Variants in IL12RB2 observed in about 807,000 individuals in gnomAD.
IL12RB2 encodes interleukin-12 receptor subunit beta-2.
IL12RB2 carries 82 observed loss-of-function variants against 89.4 expected under a neutral mutation model. That is an observed-to-expected ratio of 0.92 (90% CI 0.77 to 1.10). The LOEUF (loss-of-function observed/expected upper bound fraction) is 1.10. Among genes scored for constraint, IL12RB2 ranks in the 50% least tolerant of loss-of-function variants. IL12RB2 has a pLI of 0.00. For missense variants in IL12RB2, 963 were observed against 1,031.9 expected, an observed-to-expected ratio of 0.93 and a Z score of 0.92; for synonymous variants, 368 against 370.1, an observed-to-expected ratio of 0.99 and a Z score of 0.07.
At position 67,380,051 on chromosome 1, in the gene IL12RB2, G is replaced by A. The variant is rs768422843; in HGVS notation, c.1783G>A (p.Val595Ile). The A allele has an allele frequency of 1.9e-6, 3 of 1,613,636 alleles. No homozygotes were observed. Among genetic ancestry groups the A allele is most frequent in the South Asian group, 2.2e-5 (2 of 91,076 alleles). The part of the protein sequence containing the change: ...INSLQPRVTY[V>I]LWMTALTAAG... ...CAGCCTGCAGCCCCGAGTGACATAT[G>A]TCCTGTGGATGACAGCTCTGACAGC... Residue 595 changes from valine (V) to isoleucine (I), a missense_variant, in exon 14 of 17, where the codon GTC (valine) becomes ATC (isoleucine). Physicochemically the swap from Val to Ile is conservative, Grantham distance 29. Transcript: ENST00000674203.
intron 8 of IL12RB2, among the ~76,000 whole-genome samples, chr1:67,335,271 G>A (rs1467469243): frequency 6.6e-6 from 1 of 152,194 alleles, no homozygotes; most frequent in Non-Finnish European, 1.5e-5. Flanking sequence ...CTGGAGAGAT[G>A]TCTTTGATAA....
intron 1 of IL12RB2, among the ~76,000 whole-genome samples, chr1:67,308,616 C>T (rs771207812): frequency 5.6e-4 from 86 of 152,310 alleles, no homozygotes; most frequent in Non-Finnish European, 5.4e-4. Context: ...CCCTCCTCAT[C>T]TCCCTAGGAC....
chr1:67,390,576 C>T (rs1665706584), intron 16 of IL12RB2, among the ~76,000 whole-genome samples: 2 of 149,824 alleles, frequency 1.3e-5, no homozygotes, highest in Non-Finnish European at 3.0e-5. Context: ...TAAATAGAAC[C>T]CATACTATTT....
chr1:67,388,199 G>C (rs566991016), intron 15 of IL12RB2, among the ~76,000 whole-genome samples: 2 of 152,230 alleles, frequency 1.3e-5, no homozygotes, highest in Admixed American at 1.3e-4. Context: ...CTTTGAGGTA[G>C]AGCTGCAAGA....
intron 2 of IL12RB2, among the ~76,000 whole-genome samples, chr1:67,314,368 C>T (rs946780934): frequency 6.6e-6 from 1 of 152,126 alleles, no homozygotes; most frequent in African/African-American, 2.4e-5. Flanking sequence ...AGGAACCAGC[C>T]TCAGTGGGGT....
intron 10 of IL12RB2, among the ~76,000 whole-genome samples, chr1:67,358,728 ATTTCCCCTAG>A (rs1474741247): frequency 6.6e-6 from 1 of 152,188 alleles, no homozygotes; most frequent in Non-Finnish European, 1.5e-5. Context: ...GGGAAAGAAT[ATTTCCCCTAG>A]TAAAAGTAAA....
chr1:67,322,195 A>G (rs1400878618), intron 4 of IL12RB2, among the ~76,000 whole-genome samples: 1 of 152,084 alleles, frequency 6.6e-6, no homozygotes, highest in Non-Finnish European at 1.5e-5. Context: ...ACTTAGGAGA[A>G]TATGTTTAAA....
chr1:67,369,889 G>A (rs925507343), intron 11 of IL12RB2, among the ~76,000 whole-genome samples: 3 of 152,110 alleles, frequency 2.0e-5, no homozygotes, highest in South Asian at 4.2e-4. Flanking sequence ...GGGCGTGGTG[G>A]TGGGCGCCTA....
chr1:67,366,801 A>G (rs1286535458), intron 10 of IL12RB2, among the ~76,000 whole-genome samples: 1 of 152,208 alleles, frequency 6.6e-6, no homozygotes, highest in African/African-American at 2.4e-5. Flanking sequence ...CTCCAAAAGA[A>G]CTTCCTGCTT....
intron 9 of IL12RB2, among the ~76,000 whole-genome samples, chr1:67,347,045 G>T (rs1254439667): frequency 6.6e-6 from 1 of 152,124 alleles, no homozygotes; most frequent in Non-Finnish European, 1.5e-5. Flanking sequence ...AGCCTACACT[G>T]TACATGACAG....
At chr1:67,325,350 C>A (rs1035864031) in intron 4 of IL12RB2, among the ~76,000 whole-genome samples, 4 of 152,332 alleles carry the variant, frequency 2.6e-5, no homozygotes, top group Non-Finnish European at 1.5e-5. Flanking sequence ...GCAACCTCTA[C>A]CTTTTGAGTT....
chr1:67,308,610 C>T (rs7544381), intron 1 of IL12RB2, among the ~76,000 whole-genome samples: 54,220 of 152,008 alleles, frequency 0.36, 10,120 homozygotes, highest in African/African-American at 0.46. Context: ...ATGAGGCCCT[C>T]CTCATCTCCC....
At chr1:67,372,841 C>T (rs1441626879) in intron 13 of IL12RB2, 58 bp downstream of exon 13, 2 of 1,173,560 alleles carry the variant, frequency 1.7e-6, no homozygotes, top group African/African-American at 3.0e-5. Flanking sequence ...GTCAGGAAAA[C>T]ACAAGGAGGT....
At chr1:67,389,946 C>A in intron 15 of IL12RB2, 83 bp from the exon 16 acceptor site, 1 of 796,504 alleles carries the variant, frequency 1.3e-6, no homozygotes, top group Non-Finnish European at 2.2e-6. Flanking sequence ...AGCCCTTACA[C>A]TGAAGTTACT....
At chr1:67,319,560 T>C (rs1174601995) in intron 2 of IL12RB2, among the ~76,000 whole-genome samples, 3 of 152,162 alleles carry the variant, frequency 2.0e-5, no homozygotes, top group Non-Finnish European at 4.4e-5. Context: ...CTTGACTGGA[T>C]CAGAAACTCT....
intron 9 of IL12RB2, 150 bp from the exon 10 acceptor site, chr1:67,350,720 T>C (rs1386375189): frequency 5.3e-6 from 8 of 1,497,198 alleles, no homozygotes; most frequent in Non-Finnish European, 7.2e-6. Flanking sequence ...GGGTATTGCA[T>C]AAAAGTGTGT....
At chr1:67,344,565 T>C (rs1448875268) in intron 9 of IL12RB2, among the ~76,000 whole-genome samples, 1 of 152,214 alleles carries the variant, frequency 6.6e-6, no homozygotes, top group African/African-American at 2.4e-5. Context: ...AGTGCTGGGA[T>C]TACAGGCATG....
At chr1:67,333,246 C>T (rs963290505) in intron 8 of IL12RB2, among the ~76,000 whole-genome samples, 3 of 152,096 alleles carry the variant, frequency 2.0e-5, no homozygotes, top group Non-Finnish European at 4.4e-5. Context: ...ACCCCTTACC[C>T]GCTGTTTCTG....
intron 10 of IL12RB2, among the ~76,000 whole-genome samples, chr1:67,362,357 G>A (rs1264734763): frequency 6.6e-6 from 1 of 150,768 alleles, no homozygotes; most frequent in Non-Finnish European, 1.5e-5. Context: ...ATGAGGTCAG[G>A]AGATCGAGAC....
Sources: allele counts gnomAD v4.1 joint callset (sites outside exome capture counted in the v4.1 genomes callset), GRCh38; gene constraint gnomAD v4.1.1; transcripts MANE v1.5; gene names NCBI Gene and HGNC (gene_info 2026-07-23, HGNC 2026-07-21).